Variants in KARS1 observed in about 807,000 individuals in gnomAD.
The protein encoded by KARS1 is lysyl-tRNA synthetase 1.
In KARS1, 50 loss-of-function variants were observed where a neutral mutation model predicts 63.9. That is an observed-to-expected ratio of 0.78 (90% CI 0.62 to 0.99). The LOEUF (loss-of-function observed/expected upper bound fraction) is 0.99. Among genes scored for constraint, KARS1 ranks in the 50% least tolerant of loss-of-function variants. The pLI, the probability that KARS1 is intolerant of heterozygous loss-of-function variation, is 0.00. For missense variants in KARS1, 816 were observed against 754.5 expected, an observed-to-expected ratio of 1.08 and a Z score of -0.95; for synonymous variants, 320 against 264.6, an observed-to-expected ratio of 1.21 and a Z score of -2.03.
rs2082068808 is a variant in KARS1 at position 75,627,931 on chromosome 16, A to G, written c.1758T>C (p.Asp586=). The G allele has an allele frequency of 6.2e-7, 1 of 1,610,256 alleles. No individual in the cohort carries two copies. Among genetic ancestry groups the G allele is most frequent in the Non-Finnish European group, 8.5e-7 (1 of 1,176,452 alleles). The change falls in exon 14 of 14, where the codon GAT becomes GAC. Residue 586 remains aspartate, a synonymous_variant. Coordinates refer to ENST00000302445, the MANE Select transcript of KARS1 (RefSeq NM_005548.3). The part of the protein sequence containing the change: ...EDKKENVATT[D]TLESTTVGTS... Reference sequence around the variant, plus strand: ...TGCCAACTGTTGTGCTTTCCAGTGTATCAGTGGTTGCTACATTCTCCTTCT... The same window carrying G: ...TGCCAACTGTTGTGCTTTCCAGTGTGTCAGTGGTTGCTACATTCTCCTTCT...
In KARS1 at chr16:75,629,412, C is replaced by T; in HGVS notation, c.1551+3G>A. On this transcript the variant is annotated splice_donor_region_variant and intron_variant, in intron 12 of 13. Transcript: ENST00000302445. Reference sequence around the variant, plus strand: ...AGCTTCTGCTCACAGTCCCCTTTCTCACCTTGGCCTGTTCTTCAAAAAGCT... The same window carrying T: ...AGCTTCTGCTCACAGTCCCCTTTCTTACCTTGGCCTGTTCTTCAAAAAGCT... 6.2e-7 allele frequency: 1 copy of T among 1,613,934 alleles called. No homozygotes were observed. Among genetic ancestry groups the T allele is most frequent in the Non-Finnish European group, 8.5e-7 (1 of 1,179,852 alleles).
chr16:75,635,592 G>T (rs1347591423), intron 6 of KARS1, 88 bp downstream of exon 6: 18 of 1,419,352 alleles, frequency 1.3e-5, no homozygotes, highest in Non-Finnish European at 9.9e-7. Context: ...TCCTGACACA[G>T]GATACGCTTT....
intron 1 of KARS1, among the ~76,000 whole-genome samples, chr16:75,646,539 TAAA>T (rs781087516): frequency 7.3e-6 from 1 of 137,212 alleles, no homozygotes; most frequent in Non-Finnish European, 1.6e-5. Flanking sequence ...GACTCCATCT[TAAA>T]AAAAAAAAAA....
intron 3 of KARS1, 23 bp downstream of exon 3, chr16:75,640,161 G>A (rs761245303): frequency 2.5e-6 from 4 of 1,610,412 alleles, no homozygotes; most frequent in Non-Finnish European, 2.5e-6. Context: ...GGAGTTCAGT[G>A]ATTTGCCAGG....
At chr16:75,643,496 G>C (rs1033610098) in intron 1 of KARS1, among the ~76,000 whole-genome samples, 5 of 151,514 alleles carry the variant, frequency 3.3e-5, no homozygotes, top group African/African-American at 7.3e-5. Flanking sequence ...TCCTGCCTCA[G>C]CCTCCGGAGT....
chr16:75,627,809 G>A lies in KARS1; in HGVS notation c.*86C>T, dbSNP rs2082067036. ...ACAGAACTGCGGTGTCAAATGGAAA[G>A]CAGCACACAAGAATTCCCTTGCAGA... On this transcript the variant is annotated 3_prime_UTR_variant, in exon 14 of 14. Transcript: ENST00000302445. 3.7e-6 allele frequency: 3 copies of A among 817,212 alleles called. No homozygotes were observed. The highest frequency in any genetic ancestry group is 1.3e-5 in the South Asian group (1 of 74,946). 50.6% of individuals were successfully genotyped at this position (817,212 alleles called of 1,614,324 possible). A position where few individuals can be genotyped will look rare whatever the true frequency, so the allele number is the denominator to read the frequency against.
chr16:75,629,191 C>T (rs1010065524), intron 12 of KARS1, among the ~76,000 whole-genome samples: 3 of 152,174 alleles, frequency 2.0e-5, no homozygotes, highest in African/African-American at 7.2e-5. Flanking sequence ...TCAAGGCAAG[C>T]GTCACGCTTT....
At chr16:75,630,218 G>A (rs1388904519) in intron 11 of KARS1, among the ~76,000 whole-genome samples, 1 of 151,982 alleles carries the variant, frequency 6.6e-6, no homozygotes. Flanking sequence ...GGCCCTGGAG[G>A]ATAAGATCGT....
chr16:75,642,156 T>A (rs1333708708), intron 1 of KARS1, among the ~76,000 whole-genome samples: 3 of 141,506 alleles, frequency 2.1e-5, no homozygotes, highest in East Asian at 4.8e-4. Context: ...AGTATCCCCC[T>A]AGAAGGTGAA....
chr16:75,647,456 G>T, intron 1 of KARS1, 122 bp downstream of exon 1: 1 of 914,234 alleles, frequency 1.1e-6, no homozygotes, highest in South Asian at 1.4e-5. Flanking sequence ...GTCTCAGCAT[G>T]TGCGTACCCA....
intron 6 of KARS1, among the ~76,000 whole-genome samples, chr16:75,634,639 G>A (rs1402008077): frequency 6.6e-6 from 1 of 152,268 alleles, no homozygotes; most frequent in East Asian, 1.9e-4. Flanking sequence ...GCAGCAGCGC[G>A]ATCTCGGCTC....
intron 4 of KARS1, 122 bp downstream of exon 4, chr16:75,636,332 T>C: frequency 1.2e-6 from 1 of 826,298 alleles, no homozygotes; most frequent in Admixed American, 1.7e-5. Context: ...CTTCTCAGCC[T>C]TCCCCAACCA....
intron 12 of KARS1, chr16:75,629,117 C>G: frequency 2.1e-6 from 1 of 474,356 alleles, no homozygotes; most frequent in Non-Finnish European, 3.8e-6. Context: ...TACCTCCCAG[C>G]CCTAAGCCAC....
intron 3 of KARS1, among the ~76,000 whole-genome samples, chr16:75,638,457 C>G (rs2082188350): frequency 6.6e-6 from 1 of 151,818 alleles, no homozygotes. Context: ...TATTGTTCAA[C>G]TCTCACTTAT....
At chr16:75,638,955 G>C (rs984063359) in intron 3 of KARS1, among the ~76,000 whole-genome samples, 3 of 152,050 alleles carry the variant, frequency 2.0e-5, no homozygotes, top group Non-Finnish European at 4.4e-5. Context: ...ATCACCTGAG[G>C]TCAGGAGTTC....
At chr16:75,633,180 C>T (rs2082130417) in intron 7 of KARS1, among the ~76,000 whole-genome samples, 1 of 152,176 alleles carries the variant, frequency 6.6e-6, no homozygotes, top group African/African-American at 2.4e-5. Flanking sequence ...TAAATAAATG[C>T]CTGGAGTGAG....
At chr16:75,641,100 C>T (rs983798355) in intron 2 of KARS1, among the ~76,000 whole-genome samples, 1 of 151,898 alleles carries the variant, frequency 6.6e-6, no homozygotes, top group Non-Finnish European at 1.5e-5. Flanking sequence ...ACCGGGGAGG[C>T]GGAGGTTGCA....
At chr16:75,644,285 T>C (rs768785464) in intron 1 of KARS1, 4 of 1,598,350 alleles carry the variant, frequency 2.5e-6, no homozygotes, top group Non-Finnish European at 3.4e-6. Context: ...GCACCAACCT[T>C]CTTTGATCAG....
At chr16:75,632,895 G>A (rs2082127551) in intron 7 of KARS1, among the ~76,000 whole-genome samples, 1 of 152,184 alleles carries the variant, frequency 6.6e-6, no homozygotes, top group South Asian at 2.1e-4. Flanking sequence ...TGAACAGGCT[G>A]AAGGCAGCCA....
Sources: gnomAD v4.1 joint callset for allele counts (sites outside exome capture counted in the v4.1 genomes callset) on GRCh38, gnomAD v4.1.1 for gene constraint, MANE v1.5 for transcripts, NCBI Gene and HGNC (gene_info 2026-07-23, HGNC 2026-07-21) for gene names.